RELB: variants seen among roughly 807,000 people sequenced by gnomAD.
The protein encoded by RELB is transcription factor RelB.
In RELB, 14 loss-of-function variants were observed where a neutral mutation model predicts 55.4. The observed-to-expected ratio is 0.25, with a 90% CI of 0.17 to 0.40. RELB has a LOEUF of 0.40. Ranked by LOEUF, RELB falls within the 10% of genes least tolerant of loss-of-function variation. RELB has a pLI of 1.00. For synonymous variants in RELB, 409 were observed against 371.3 expected (o/e 1.10, Z -1.17); for missense variants, 669 against 830.7 (o/e 0.81, Z 2.39).
At chr19:45,009,208 G>A (rs1971319692) in intron 2 of RELB, among the ~76,000 whole-genome samples, 1 of 152,148 alleles carries the variant, frequency 6.6e-6, no homozygotes, top group Admixed American at 6.6e-5. Context: ...AGCCTCCCGA[G>A]TAGCTGGGAT....
rs34998473 is a variant in RELB at position 45,025,292 on chromosome 19, C to T, written c.663-37C>T. 4.1e-3 allele frequency: 6,131 copies of T among 1,478,294 alleles called. 208 individuals are homozygous for T. In the African/African-American group the frequency reaches 0.073, roughly 18 times the overall value. The allele number at this position is 1,478,294 out of a possible 1,614,324, so 91.6% of individuals were successfully genotyped here. The stretch of plus-strand genomic sequence containing the variant: ...CAGGTTAGGGCCACACTTGCCTGCT[C>T]ACGAGCACTCCTCTCCCTCCCCCGT... On this transcript the variant is annotated intron_variant, in intron 5 of 11. Transcript: ENST00000221452.
chr19:45,029,803 T>C (rs1416448016), intron 8 of RELB, among the ~76,000 whole-genome samples: 2 of 151,616 alleles, frequency 1.3e-5, no homozygotes, highest in Non-Finnish European at 2.9e-5. Flanking sequence ...TGAGCCGAGA[T>C]CACGCCTCTG....
In RELB at chr19:45,037,885, C is replaced by T. The variant is rs1453876048; in HGVS notation, c.*95C>T. On this transcript the variant is annotated 3_prime_UTR_variant, in exon 12 of 12. Coordinates refer to ENST00000221452, the MANE Select transcript of RELB (RefSeq NM_006509.4). The stretch of plus-strand genomic sequence containing the variant: ...TGTCTAGCACCCCCATCCCCTTGGC[C>T]CTTCCTCATGCTTCTGAAGTGGACA... The T allele has an allele frequency of 1.6e-6, 2 of 1,266,968 alleles. No homozygotes were observed. The highest frequency in any genetic ancestry group is 2.1e-6 in the Non-Finnish European group (2 of 955,256). The allele number at this position is 1,266,968 out of a possible 1,614,324, so 78.5% of individuals were successfully genotyped here.
chr19:45,028,377 G>A (rs1490759481), intron 7 of RELB, among the ~76,000 whole-genome samples: 1 of 151,686 alleles, frequency 6.6e-6, no homozygotes, highest in Non-Finnish European at 1.5e-5. Context: ...GTTTTGAGAC[G>A]GAGTTTTCCT....
chr19:45,012,336 C>A, intron 4 of RELB, 60 bp downstream of exon 4: 3 of 1,033,970 alleles, frequency 2.9e-6, no homozygotes, highest in Non-Finnish European at 3.9e-6. Flanking sequence ...ACCCCGGAGC[C>A]ATCCACATGC....
At position 45,001,691 on chromosome 19, in the gene RELB, C is replaced by T. The variant is rs1157765093; in HGVS notation, c.106+6C>T. The T allele has an allele frequency of 6.7e-7, 1 of 1,493,324 alleles. No homozygotes were observed. The highest frequency in any genetic ancestry group is 1.4e-5 in the African/African-American group (1 of 71,078). The allele number at this position is 1,493,324 out of a possible 1,614,324, so 92.5% of individuals were successfully genotyped here. A position where few individuals can be genotyped will look rare whatever the true frequency, so the allele number is the denominator to read the frequency against. ...GCCGGAGCTGGGGGCCTTAGGTAAG[C>T]GGGGCTGGGGTTCAGGAGAGGGGTC... On this transcript the variant is annotated splice_donor_region_variant and intron_variant, in intron 1 of 11. Coordinates refer to ENST00000221452, the MANE Select transcript of RELB (RefSeq NM_006509.4).
Position 45,012,140 on chromosome 19 carries a change from C to T in RELB, c.368C>T (p.Pro123Leu), listed in dbSNP as rs757537919. 6.4e-6 allele frequency: 10 copies of T among 1,557,570 alleles called. No homozygotes were observed. The highest frequency in any genetic ancestry group is 1.4e-5 in the African/African-American group (1 of 69,866). The change falls in exon 4 of 12, where the codon CCG becomes CTG. Residue 123 changes from proline (P) to leucine (L), a missense_variant. Pro to Leu is a moderately conservative substitution (Grantham distance 98). Coordinates refer to ENST00000221452, the MANE Select transcript of RELB (RefSeq NM_006509.4). The stretch of plus-strand genomic sequence containing the variant: ...GTGTCCCCAGCGCCGGGCCCGGGCC[C>T]GCAGCCGCACCTGGTCATCACGGAG... ...RLVSPAPGPG[P>L]QPHLVITEQP...
At position 45,007,154 on chromosome 19, in the gene RELB, C is replaced by T. The variant is rs148884121; in HGVS notation, c.155-2660C>T. 1.3e-3 allele frequency among the ~76,000 whole-genome samples: 191 copies of T among 152,128 alleles called. 2 individuals are homozygous for T. Among genetic ancestry groups the T allele is most frequent in the Non-Finnish European group, 2.1e-3 (141 of 68,014 alleles). On this transcript the variant is annotated intron_variant, in intron 2 of 11. Transcript: ENST00000221452. ...TGGGGGAAGAGCATTCAGGCAGAGA[C>T]CAGCCTGTGCAAAGGCTGAGGCAGC...
intron 8 of RELB, among the ~76,000 whole-genome samples, chr19:45,029,938 C>T (rs1210878791): frequency 3.3e-5 from 5 of 150,854 alleles, no homozygotes; most frequent in African/African-American, 7.3e-5. Context: ...GAGGCTGAGG[C>T]GGGCAGATCA....
At chr19:45,002,890 A>G in intron 1 of RELB, 59 bp from the exon 2 acceptor site, 1 of 1,460,464 alleles carries the variant, frequency 6.8e-7, no homozygotes, top group Non-Finnish European at 9.5e-7. Context: ...TCCTTGGGAT[A>G]TTCTCTGGTC....
intron 11 of RELB, among the ~76,000 whole-genome samples, chr19:45,036,597 G>C (rs899934467): frequency 6.6e-6 from 1 of 152,158 alleles, no homozygotes; most frequent in African/African-American, 2.4e-5. Flanking sequence ...ACTCTCCACA[G>C]CTGTGTAGGA....
chr19:45,016,109 C>T (rs1360362307), intron 4 of RELB, among the ~76,000 whole-genome samples: 1 of 151,966 alleles, frequency 6.6e-6, no homozygotes, highest in Admixed American at 6.6e-5. Context: ...CTCAGCCTCC[C>T]GGGTAGCTGA....
At chr19:45,022,660 G>A (rs1028010187) in intron 5 of RELB, among the ~76,000 whole-genome samples, 2 of 150,284 alleles carry the variant, frequency 1.3e-5, no homozygotes, top group East Asian at 3.9e-4. Flanking sequence ...TGATTCTCCT[G>A]CCCCAGACTC....
chr19:45,020,111 T>G (rs4803789), intron 4 of RELB, among the ~76,000 whole-genome samples: 99,462 of 151,984 alleles, frequency 0.65, 32,677 homozygotes, highest in East Asian at 0.8. Context: ...ATAGTTAAGA[T>G]TAAAGCTCTG....
Position 45,037,868 on chromosome 19 carries a change from A to C in RELB, c.*78A>C. On this transcript the variant is annotated 3_prime_UTR_variant, in exon 12 of 12. Transcript: ENST00000221452. Reference sequence around the variant, plus strand: ...TGCAATCCCAACCAGGATGTCTAGCACCCCCATCCCCTTGGCCCTTCCTCA... The same window carrying C: ...TGCAATCCCAACCAGGATGTCTAGCCCCCCCATCCCCTTGGCCCTTCCTCA... The C allele has an allele frequency of 7.3e-7, 1 of 1,371,536 alleles. No individual in the cohort carries two copies. The highest frequency in any genetic ancestry group is 1.5e-5 in the African/African-American group (1 of 66,468). 85.0% of individuals were successfully genotyped at this position (1,371,536 alleles called of 1,614,324 possible). A position where few individuals can be genotyped will look rare whatever the true frequency, so the allele number is the denominator to read the frequency against.
chr19:45,037,655 A>G lies in RELB; in HGVS notation c.1605A>G (p.Thr535=), dbSNP rs1034355917. The change falls in exon 12 of 12, where the codon ACA becomes ACG. Residue 535 remains threonine (T), a synonymous_variant. Transcript: ENST00000221452. ...AGACCCCCGGCCCTGAACCACTGAC[A>G]CTGGACTCGTACCAGGCCCCGGGCC... The part of the protein sequence containing the change: ...VGETPGPEPL[T]LDSYQAPGPG... 4.5e-5 allele frequency: 72 copies of G among 1,593,334 alleles called. No homozygotes were observed. The highest frequency in any genetic ancestry group is 1.7e-4 in the Middle Eastern group (1 of 5,994).
intron 4 of RELB, among the ~76,000 whole-genome samples, chr19:45,018,922 C>T (rs571712899): frequency 6.6e-6 from 1 of 151,948 alleles, no homozygotes; most frequent in African/African-American, 2.4e-5. Context: ...GTGATCCACC[C>T]GCCAGATTAC....
At chr19:45,020,581 G>A (rs1483164520) in intron 4 of RELB, among the ~76,000 whole-genome samples, 11 of 105,054 alleles carry the variant, frequency 1.0e-4, no homozygotes, top group East Asian at 3.1e-4. Flanking sequence ...TTTTTGAGAC[G>A]GAGTCTCGCT....
At chr19:45,004,808 C>T (rs528390222) in intron 2 of RELB, among the ~76,000 whole-genome samples, 1 of 147,776 alleles carries the variant, frequency 6.8e-6, no homozygotes, top group East Asian at 2.0e-4. Context: ...TGGAGGTTGC[C>T]GTGAGCCGAG....
Sources: allele counts gnomAD v4.1 joint callset (sites outside exome capture counted in the v4.1 genomes callset), GRCh38; gene constraint gnomAD v4.1.1; transcripts MANE v1.5; gene names NCBI Gene and HGNC (gene_info 2026-07-23, HGNC 2026-07-21).